MKLN1: variants seen among roughly 807,000 people sequenced by gnomAD.
The protein encoded by MKLN1 is muskelin.
In MKLN1, 18 loss-of-function variants were observed where a neutral mutation model predicts 99.0. That is an observed-to-expected ratio of 0.18 (90% CI 0.13 to 0.27). MKLN1 has a LOEUF of 0.27. MKLN1 is among the 10% of genes least tolerant of loss of function. The pLI, the probability that MKLN1 is intolerant of heterozygous loss-of-function variation, is 1.00. For synonymous variants in MKLN1, 288 were observed against 293.2 expected, an observed-to-expected ratio of 0.98 and a Z score of 0.18; for missense variants, 621 against 875.9, an observed-to-expected ratio of 0.71 and a Z score of 3.67.
At chr7:131,329,541 G>T (rs749584713) in intron 1 of MKLN1, among the ~76,000 whole-genome samples, 1 of 152,162 alleles carries the variant, frequency 6.6e-6, no homozygotes, top group Non-Finnish European at 1.5e-5. Flanking sequence ...TAGGATTATG[G>T]ACAGTTGGGA....
chr7:131,472,537 A>G (rs1336186691), intron 16 of MKLN1, among the ~76,000 whole-genome samples: 2 of 150,976 alleles, frequency 1.3e-5, no homozygotes, highest in African/African-American at 5.0e-5. Flanking sequence ...ATAAAAGCTT[A>G]ATCTAGCAAG....
chr7:131,280,697 G>A (rs1174971034), intron 3 of MKLN1, among the ~76,000 whole-genome samples: 1 of 150,798 alleles, frequency 6.6e-6, no homozygotes, highest in Admixed American at 6.6e-5. Context: ...CACCCAGGCT[G>A]GAGTGCAGTG....
chr7:131,204,729 G>A (rs1230535986), intron 3 of MKLN1, among the ~76,000 whole-genome samples: 1 of 152,106 alleles, frequency 6.6e-6, no homozygotes, highest in Non-Finnish European at 1.5e-5. Flanking sequence ...ACTTTGGGAG[G>A]CCAAGGCAGG....
Position 131,185,449 on chromosome 7 carries a change from C to T in MKLN1, c.-296-17408C>T, listed in dbSNP as rs77262718. On this transcript the variant is annotated intron_variant, in intron 2 of 7. Coordinates refer to the MKLN1 transcript ENST00000416992. Reference sequence around the variant, plus strand: ...AAAAAAAAAAAAAATTAGCCAGACACGGTGGCACATGCCTGTAATCCCAGC... The same window carrying T: ...AAAAAAAAAAAAAATTAGCCAGACATGGTGGCACATGCCTGTAATCCCAGC... Among the ~76,000 whole-genome samples the T allele has an allele frequency of 6.0e-5, 9 of 151,208 alleles. No individual in the cohort carries two copies. In the East Asian group the frequency reaches 1.6e-3, roughly 26 times the overall value.
chr7:131,356,310 G>C (rs994053191), intron 1 of MKLN1, among the ~76,000 whole-genome samples: 1 of 152,032 alleles, frequency 6.6e-6, no homozygotes, highest in Non-Finnish European at 1.5e-5. Flanking sequence ...GCTGCAACCA[G>C]TTATTACTTT....
intron 3 of MKLN1, among the ~76,000 whole-genome samples, chr7:131,207,186 G>A (rs1185146421): frequency 6.6e-6 from 1 of 152,102 alleles, no homozygotes; most frequent in Non-Finnish European, 1.5e-5. Context: ...GGGATTCTAT[G>A]TGTGTTATTT....
At chr7:131,166,413 G>A (rs1029326563) in intron 2 of MKLN1, among the ~76,000 whole-genome samples, 2 of 152,074 alleles carry the variant, frequency 1.3e-5, no homozygotes, top group African/African-American at 2.4e-5. Context: ...ACCCTTCAAT[G>A]CCTTCTCATC....
In MKLN1 at chr7:131,445,798, G is replaced by A. The variant is rs2116520934; in HGVS notation, c.1420G>A (p.Gly474Ser). The A allele has an allele frequency of 6.3e-7, 1 of 1,588,974 alleles. No individual in the cohort carries two copies. The highest frequency in any genetic ancestry group is 8.6e-7 in the Non-Finnish European group (1 of 1,166,870). ...HSKNRCLYVF[G>S]GQRSKTYLND... ...GAAAAATCGTTGCTTATATGTATTTGGTGGCCAGCGATCAAAGACCTATTT... is the reference window on the plus strand; with the variant it reads ...GAAAAATCGTTGCTTATATGTATTTAGTGGCCAGCGATCAAAGACCTATTT... The change falls in exon 12 of 18, where the codon GGT (glycine) becomes AGT (serine). Residue 474 changes from glycine to serine, a missense_variant. Gly to Ser is a moderately conservative substitution (Grantham distance 56). Coordinates refer to ENST00000352689, the MANE Select transcript of MKLN1 (RefSeq NM_013255.5).
chr7:131,394,565 C>T (rs1035789411), intron 4 of MKLN1, among the ~76,000 whole-genome samples: 3 of 152,018 alleles, frequency 2.0e-5, no homozygotes, highest in South Asian at 2.1e-4. Flanking sequence ...TAACACACTG[C>T]GCACCTCCTG....
intron 4 of MKLN1, among the ~76,000 whole-genome samples, chr7:131,390,769 A>T (rs1367930827): frequency 6.6e-6 from 1 of 152,046 alleles, no homozygotes; most frequent in Non-Finnish European, 1.5e-5. Context: ...TCCAGAACTT[A>T]TTCTTCCTGC....
intron 3 of MKLN1, among the ~76,000 whole-genome samples, chr7:131,273,387 G>A (rs1563274813): frequency 6.6e-6 from 1 of 152,214 alleles, no homozygotes; most frequent in Non-Finnish European, 1.5e-5. Context: ...AGGACCACTG[G>A]GAATGTGCTT....
chr7:131,118,576 AAAAG>A (rs1795314017), intron 1 of MKLN1, among the ~76,000 whole-genome samples: 3 of 151,968 alleles, frequency 2.0e-5, no homozygotes, highest in African/African-American at 4.8e-5. Flanking sequence ...AGAAAGAAAG[AAAAG>A]AAAGAAAGAC....
intron 4 of MKLN1, among the ~76,000 whole-genome samples, chr7:131,396,038 GT>G (rs1794348620): frequency 6.6e-6 from 1 of 150,462 alleles, no homozygotes; most frequent in African/African-American, 2.5e-5. Context: ...TGTTTACCTT[GT>G]TTACAAATAA....
chr7:131,432,909 A>G (rs1269203495), intron 9 of MKLN1, among the ~76,000 whole-genome samples: 1 of 152,258 alleles, frequency 6.6e-6, no homozygotes, highest in African/African-American at 2.4e-5. Context: ...GAAAAGACAA[A>G]TTTTTTTGTT....
chr7:131,453,803 A>C (rs1425031903), intron 12 of MKLN1, among the ~76,000 whole-genome samples: 2 of 152,188 alleles, frequency 1.3e-5, no homozygotes, highest in Non-Finnish European at 2.9e-5. Context: ...ATTAAGACAA[A>C]GCTTATTTCC....
chr7:131,293,534 G>A (rs1320173204), intron 3 of MKLN1, among the ~76,000 whole-genome samples: 2 of 152,194 alleles, frequency 1.3e-5, no homozygotes, highest in Non-Finnish European at 2.9e-5. Context: ...TGCCTGGCAG[G>A]GCACCGTGGC....
chr7:131,133,841 T>G lies in MKLN1; in HGVS notation c.-418-8979T>G, dbSNP rs1185858005. On this transcript the variant is annotated intron_variant, in intron 1 of 7. Transcript: ENST00000416992. ...TTTGGTTTTTTTTTTTTTTTTTTTT[T>G]TTTTTGAGACGAAGTTTTGCTCTTG... Among the ~76,000 whole-genome samples, 146 of 140,338 alleles carry G rather than the reference T, an allele frequency of 1.0e-3. 3 individuals are homozygous for G. The highest frequency in any genetic ancestry group is 3.7e-3 in the African/African-American group (142 of 38,390). 92.1% of individuals were successfully genotyped at this position (140,338 alleles called of 152,430 possible). A position where few individuals can be genotyped will look rare whatever the true frequency, so the allele number is the denominator to read the frequency against.
intron 1 of MKLN1, among the ~76,000 whole-genome samples, chr7:131,375,039 T>C (rs756143248): frequency 7.9e-5 from 12 of 151,906 alleles, no homozygotes; most frequent in Non-Finnish European, 1.6e-4. Context: ...CCTTGAACTC[T>C]GGGCCTCAAG....
chr7:131,479,700 G>A (rs945898805), intron 17 of MKLN1, among the ~76,000 whole-genome samples: 5 of 151,882 alleles, frequency 3.3e-5, no homozygotes, highest in African/African-American at 4.8e-5. Context: ...GGTGGCGGGC[G>A]CCTGTAGTCC....
Sources: allele counts gnomAD v4.1 joint callset (sites outside exome capture counted in the v4.1 genomes callset), GRCh38; gene constraint gnomAD v4.1.1; transcripts MANE v1.5; gene names NCBI Gene and HGNC (gene_info 2026-07-23, HGNC 2026-07-21).